Variants in ZEB1 observed in about 807,000 individuals in gnomAD.
The protein encoded by ZEB1 is zinc finger E-box binding homeobox 1, also known as zinc finger E-box-binding homeobox 1.
In ZEB1, 21 loss-of-function variants were observed where a neutral mutation model predicts 84.9. The observed-to-expected ratio is 0.25, with a 90% CI of 0.18 to 0.36. ZEB1 has a LOEUF of 0.36. ZEB1 is among the 10% of genes least tolerant of loss of function. ZEB1 has a pLI of 1.00. For synonymous variants in ZEB1, 420 were observed against 471.1 expected, an observed-to-expected ratio of 0.89 and a Z score of 1.41; for missense variants, 1,104 against 1,330.2, an observed-to-expected ratio of 0.83 and a Z score of 2.65.
chr10:31,384,361 A>G lies in ZEB1; in HGVS notation c.58+65069A>G, dbSNP rs972211335. On this transcript the variant is annotated intron_variant, in intron 1 of 8. Transcript: ENST00000424869. ...GACTAAATGCTTACTCTCAATTTCT[A>G]TATTGGTTTAGAAACTCTTACAGCC... 2.6e-5 allele frequency among the ~76,000 whole-genome samples: 4 copies of G among 152,056 alleles called. No homozygotes were observed. In the South Asian group the frequency reaches 8.3e-4, roughly 31 times the overall value.
At chr10:31,426,597 C>T (rs2056955834) in intron 1 of ZEB1, among the ~76,000 whole-genome samples, 1 of 152,174 alleles carries the variant, frequency 6.6e-6, no homozygotes, top group East Asian at 1.9e-4. Context: ...ATCCTGTGAT[C>T]TGACTGTTCC....
intron 3 of ZEB1, among the ~76,000 whole-genome samples, chr10:31,501,711 T>C (rs939128087): frequency 6.6e-6 from 1 of 152,112 alleles, no homozygotes; most frequent in Non-Finnish European, 1.5e-5. Context: ...CTGTTTCCTA[T>C]ACATACATAC....
intron 1 of ZEB1, among the ~76,000 whole-genome samples, chr10:31,366,636 C>G (rs1218240498): frequency 6.6e-6 from 1 of 152,178 alleles, no homozygotes; most frequent in African/African-American, 2.4e-5. Context: ...ACGTACTGTC[C>G]TGAAATACCT....
chr10:31,407,426 C>T (rs1474429450), intron 1 of ZEB1, among the ~76,000 whole-genome samples: 2 of 151,920 alleles, frequency 1.3e-5, no homozygotes, highest in Non-Finnish European at 2.9e-5. Context: ...GACATGACCT[C>T]ATCATTTTTT....
At chr10:31,399,874 T>C (rs1437612063) in intron 1 of ZEB1, among the ~76,000 whole-genome samples, 1 of 152,152 alleles carries the variant, frequency 6.6e-6, no homozygotes, top group African/African-American at 2.4e-5. Context: ...CACACTGGCT[T>C]CTTTGCTGTT....
At chr10:31,384,326 A>G (rs2048255775) in intron 1 of ZEB1, among the ~76,000 whole-genome samples, 1 of 152,114 alleles carries the variant, frequency 6.6e-6, no homozygotes, top group African/African-American at 2.4e-5. Flanking sequence ...TGGTTTGTTA[A>G]TCAATCCATG....
chr10:31,482,439 T>C (rs192607228), intron 2 of ZEB1, among the ~76,000 whole-genome samples: 14 of 150,312 alleles, frequency 9.3e-5, no homozygotes, highest in Admixed American at 8.7e-4. Context: ...GGACACATGA[T>C]ACAGTGTAGC....
At chr10:31,438,514 G>A (rs1452464560) in intron 1 of ZEB1, among the ~76,000 whole-genome samples, 7 of 151,836 alleles carry the variant, frequency 4.6e-5, no homozygotes, top group Admixed American at 6.6e-5. Flanking sequence ...CCTATTCACC[G>A]TGATAACAAA....
intron 1 of ZEB1, among the ~76,000 whole-genome samples, chr10:31,397,949 G>A (rs1385162180): frequency 6.6e-6 from 1 of 152,114 alleles, no homozygotes; most frequent in African/African-American, 2.4e-5. Context: ...TATAATTTTA[G>A]CAAAGTTGAC....
chr10:31,475,302 A>T (rs1396122287), intron 2 of ZEB1, among the ~76,000 whole-genome samples: 1 of 152,158 alleles, frequency 6.6e-6, no homozygotes, highest in Non-Finnish European at 1.5e-5. Context: ...GGATTATGTA[A>T]AGCTACCAAA....
chr10:31,469,258 C>G (rs1427768191), intron 2 of ZEB1, among the ~76,000 whole-genome samples: 15 of 151,748 alleles, frequency 9.9e-5, no homozygotes, highest in Admixed American at 9.8e-4. Context: ...CCAGCGTGAG[C>G]GACGCAGAAG....
chr10:31,320,494 AG>A (rs1246078886), intron 1 of ZEB1: 3 of 58,614 alleles, frequency 5.1e-5, no homozygotes, highest in African/African-American at 2.0e-4. Context: ...AGGGTGGGGG[AG>A]GGGGCGGACG....
intron 1 of ZEB1, among the ~76,000 whole-genome samples, chr10:31,385,645 G>GC (rs950655025): frequency 3.4e-4 from 51 of 151,448 alleles, no homozygotes; most frequent in African/African-American, 1.0e-3. Context: ...TCCTGCCTTA[G>GC]CCCCCCCAAG....
chr10:31,331,795 C>A (rs1311877072), intron 1 of ZEB1, among the ~76,000 whole-genome samples: 3 of 152,128 alleles, frequency 2.0e-5, no homozygotes, highest in Non-Finnish European at 4.4e-5. Flanking sequence ...ACTCAAGTCA[C>A]GTTTGGTAAA....
chr10:31,487,205 T>A (rs1364028882), intron 2 of ZEB1, among the ~76,000 whole-genome samples: 1 of 151,444 alleles, frequency 6.6e-6, no homozygotes, highest in East Asian at 1.9e-4. Context: ...TTCTCTAATT[T>A]TATTTTTCAA....
At chr10:31,513,507 G>A (rs2070482191) in intron 5 of ZEB1, among the ~76,000 whole-genome samples, 1 of 152,080 alleles carries the variant, frequency 6.6e-6, no homozygotes, top group Non-Finnish European at 1.5e-5. Context: ...ACAAATGTGG[G>A]AGTCGCCACC....
chr10:31,450,143 T>C (rs1048136791), intron 1 of ZEB1, among the ~76,000 whole-genome samples: 3 of 152,250 alleles, frequency 2.0e-5, no homozygotes, highest in African/African-American at 7.2e-5. Flanking sequence ...ATTGAATTTA[T>C]AGAAAAATTT....
intron 1 of ZEB1, among the ~76,000 whole-genome samples, chr10:31,368,392 A>T (rs2044992060): frequency 6.6e-6 from 1 of 152,172 alleles, no homozygotes; most frequent in Non-Finnish European, 1.5e-5. Context: ...CCTGGGCTCA[A>T]GCGATCCTCC....
chr10:31,474,774 A>C (rs1302031846), intron 2 of ZEB1, among the ~76,000 whole-genome samples: 5 of 150,994 alleles, frequency 3.3e-5, no homozygotes, highest in East Asian at 1.9e-4. Context: ...ATGTTTATTG[A>C]GGCACTATTC....
Sources: gnomAD v4.1 joint callset for allele counts (sites outside exome capture counted in the v4.1 genomes callset) on GRCh38, gnomAD v4.1.1 for gene constraint, MANE v1.5 for transcripts, NCBI Gene and HGNC (gene_info 2026-07-23, HGNC 2026-07-21) for gene names.